ANK3: variants seen among roughly 807,000 people sequenced by gnomAD.
ANK3 encodes ankyrin 3.
A neutral mutation model predicts 370.9 loss-of-function variants in ANK3; 57 were observed. The ratio of observed to expected loss-of-function variants is 0.15; its 90% CI spans 0.12 to 0.19. The LOEUF is 0.19. ANK3 is among the 10% of genes least tolerant of loss of function. The probability of loss-of-function intolerance (pLI) is 1.00; values close to 1 mark genes in which losing one functional copy is unlikely to be tolerated. For missense variants in ANK3, 4,439 were observed against 5,302.1 expected, an observed-to-expected ratio of 0.84 and a Z score of 5.06; for synonymous variants, 1,929 against 1,946.3, an observed-to-expected ratio of 0.99 and a Z score of 0.23.
At chr10:60,681,890 G>C (rs999028035) in intron 1 of ANK3, among the ~76,000 whole-genome samples, 3 of 152,164 alleles carry the variant, frequency 2.0e-5, no homozygotes, top group African/African-American at 7.2e-5. Flanking sequence ...AGTGGCTCAC[G>C]CCTGTAATCC....
chr10:60,116,917 C>T (rs1040348830), intron 25 of ANK3, among the ~76,000 whole-genome samples: 1 of 152,166 alleles, frequency 6.6e-6, no homozygotes, highest in African/African-American at 2.4e-5. Context: ...TATGGTACAT[C>T]ATCGTAACAT....
At chr10:60,276,189 A>G (rs1471671892) in intron 4 of ANK3, among the ~76,000 whole-genome samples, 2 of 152,298 alleles carry the variant, frequency 1.3e-5, no homozygotes, top group East Asian at 3.9e-4. Flanking sequence ...TATATTTAAG[A>G]TAAGGAGAAT....
At chr10:60,231,481 G>A (rs2097244762) in intron 8 of ANK3, among the ~76,000 whole-genome samples, 1 of 152,154 alleles carries the variant, frequency 6.6e-6, no homozygotes, top group Non-Finnish European at 1.5e-5. Context: ...GTAAGTACTT[G>A]GTGGGAGGCA....
intron 7 of ANK3, among the ~76,000 whole-genome samples, chr10:60,240,048 C>CAT (rs10629895): frequency 0.72 from 102,767 of 143,348 alleles, 37,077 homozygotes; most frequent in East Asian, 0.85. Context: ...CATATATATA[C>CAT]ATATATACAC....
At chr10:60,541,181 C>A (rs1011458284) in intron 2 of ANK3, among the ~76,000 whole-genome samples, 1 of 151,878 alleles carries the variant, frequency 6.6e-6, no homozygotes, top group Non-Finnish European at 1.5e-5. Context: ...CGTATGCGTG[C>A]ACATTTACAT....
chr10:60,072,343 T>C lies in ANK3; in HGVS notation c.8538A>G (p.Pro2846=). The C allele has an allele frequency of 1.2e-6, 2 of 1,613,962 alleles. No individual in the cohort carries two copies. Among genetic ancestry groups the C allele is most frequent in the Middle Eastern group, 1.7e-4 (1 of 6,060 alleles). Residue 2846 remains proline, a synonymous_variant, in exon 37 of 44, where the codon CCA becomes CCG. Transcript: ENST00000280772. ...ATGTTCTAAAGACCTTTTTGTCCCA[T>C]GGTCCCCTAGTTGCTAAATCTGAGG... ...HITSDLATRG[P]WDKKVFRTWE... is the part of the protein sequence containing the mutation.
intron 2 of ANK3, among the ~76,000 whole-genome samples, chr10:60,597,903 A>C (rs1445959223): frequency 2.0e-5 from 3 of 152,194 alleles, no homozygotes; most frequent in Non-Finnish European, 4.4e-5. Flanking sequence ...ATAATTTTAA[A>C]GTATATATTC....
chr10:60,597,203 C>G (rs1311055584), intron 2 of ANK3, among the ~76,000 whole-genome samples: 2 of 152,120 alleles, frequency 1.3e-5, no homozygotes, highest in African/African-American at 4.8e-5. Flanking sequence ...AAATGTCTAT[C>G]AATATTTAGC....
intron 1 of ANK3, among the ~76,000 whole-genome samples, chr10:60,319,582 A>G (rs993403457): frequency 5.3e-5 from 8 of 152,158 alleles, no homozygotes. Flanking sequence ...TTTAAAACAC[A>G]CCCATTTATT....
chr10:60,680,733 G>T (rs769564065), intron 1 of ANK3, among the ~76,000 whole-genome samples: 1 of 152,124 alleles, frequency 6.6e-6, no homozygotes, highest in Admixed American at 6.5e-5. Flanking sequence ...TATCTTCCCC[G>T]TTGATAAGAC....
chr10:60,099,557 T>C (rs995641733), intron 28 of ANK3, among the ~76,000 whole-genome samples: 2 of 152,330 alleles, frequency 1.3e-5, no homozygotes, highest in South Asian at 2.1e-4. Context: ...TTCTAAGGTT[T>C]TCTTCCATGA....
At chr10:60,141,859 C>T (rs1350207380) in intron 23 of ANK3, among the ~76,000 whole-genome samples, 1 of 152,074 alleles carries the variant, frequency 6.6e-6, no homozygotes, top group African/African-American at 2.4e-5. Flanking sequence ...TTACTCTGAT[C>T]AGCCTGGCTG....
intron 6 of ANK3, among the ~76,000 whole-genome samples, chr10:60,263,336 A>G (rs573354699): frequency 6.6e-6 from 1 of 152,192 alleles, no homozygotes; most frequent in Non-Finnish European, 1.5e-5. Flanking sequence ...TCCAAATGTC[A>G]CATTTCCGTC....
chr10:60,594,673 A>AT (rs979844110), intron 2 of ANK3, among the ~76,000 whole-genome samples: 2 of 152,082 alleles, frequency 1.3e-5, no homozygotes, highest in South Asian at 2.1e-4. Context: ...GACACAGCAA[A>AT]TTTTTTATGA....
intron 2 of ANK3, among the ~76,000 whole-genome samples, chr10:60,557,397 G>C (rs1053339159): frequency 2.0e-5 from 3 of 152,074 alleles, no homozygotes; most frequent in African/African-American, 7.2e-5. Context: ...GGACAATATT[G>C]TATGACTCCA....
intron 1 of ANK3, among the ~76,000 whole-genome samples, chr10:60,343,775 G>A (rs1004880846): frequency 1.3e-5 from 2 of 152,156 alleles, no homozygotes; most frequent in South Asian, 2.1e-4. Flanking sequence ...TGTAAGAGTC[G>A]TGTTGAACTC....
At chr10:60,445,367 G>T (rs2064414995) in intron 2 of ANK3, among the ~76,000 whole-genome samples, 1 of 151,940 alleles carries the variant, frequency 6.6e-6, no homozygotes, top group African/African-American at 2.4e-5. Context: ...TCCAGCTTGG[G>T]CAAAAGAGCA....
intron 1 of ANK3, among the ~76,000 whole-genome samples, chr10:60,616,449 C>G (rs2078268957): frequency 6.6e-6 from 1 of 152,098 alleles, no homozygotes; most frequent in South Asian, 2.1e-4. Flanking sequence ...GTGTTTTAAA[C>G]AAGATTGAAA....
At chr10:60,119,558 G>A (rs773138838) in intron 25 of ANK3, among the ~76,000 whole-genome samples, 4 of 152,162 alleles carry the variant, frequency 2.6e-5, no homozygotes, top group Non-Finnish European at 5.9e-5. Context: ...CTTCAGGTCA[G>A]GAGTTCAAGA....
Sources: allele counts gnomAD v4.1 joint callset (sites outside exome capture counted in the v4.1 genomes callset), GRCh38; gene constraint gnomAD v4.1.1; transcripts MANE v1.5; gene names NCBI Gene and HGNC (gene_info 2026-07-23, HGNC 2026-07-21).